The following ANKFN1 variants were observed in gnomAD, a reference collection of about 807,000 sequenced individuals.
The protein encoded by ANKFN1 is ankyrin repeat and fibronectin type III domain containing 1, also known as ankyrin repeat and fibronectin type-III domain-containing protein 1.
A neutral mutation model predicts 108.7 loss-of-function variants in ANKFN1; 74 were observed. That is an observed-to-expected ratio of 0.68 (90% CI 0.56 to 0.83). ANKFN1 has a LOEUF of 0.83. Among genes scored for constraint, ANKFN1 ranks in the 40% least tolerant of loss-of-function variants. The pLI is 0.00. For missense variants in ANKFN1, 1,505 were observed against 1,382.3 expected (o/e 1.09, Z -1.41); for synonymous variants, 547 against 516.2 (o/e 1.06, Z -0.81).
At chr17:56,093,770 GT>G (rs1358013040) in intron 4 of ANKFN1, among the ~76,000 whole-genome samples, 2 of 151,274 alleles carry the variant, frequency 1.3e-5, no homozygotes, top group Non-Finnish European at 3.0e-5. Flanking sequence ...CTATACTACT[GT>G]TTTTATGAGT....
chr17:56,058,277 G>C (rs537854183), intron 4 of ANKFN1, among the ~76,000 whole-genome samples: 10 of 152,280 alleles, frequency 6.6e-5, no homozygotes, highest in Non-Finnish European at 1.3e-4. Flanking sequence ...CCAATAGAAG[G>C]CTGTTTCATC....
chr17:56,121,580 G>A (rs1906623016), intron 4 of ANKFN1, among the ~76,000 whole-genome samples: 1 of 151,948 alleles, frequency 6.6e-6, no homozygotes, highest in Admixed American at 6.6e-5. Context: ...ATCAAAGAAG[G>A]ACAGTGACCA....
At chr17:56,434,887 T>C (rs1210421797) in intron 8 of ANKFN1, among the ~76,000 whole-genome samples, 1 of 152,112 alleles carries the variant, frequency 6.6e-6, no homozygotes, top group Non-Finnish European at 1.5e-5. Context: ...GGTGCTGGGT[T>C]GGGCAGTCTA....
intron 3 of ANKFN1, among the ~76,000 whole-genome samples, chr17:56,273,309 TATAACTG>T (rs2043838569): frequency 1.3e-5 from 2 of 152,214 alleles, no homozygotes; most frequent in South Asian, 4.1e-4. Context: ...TACCCAGTAC[TATAACTG>T]GCTCATATCA....
At chr17:56,352,494 A>G (rs2046272111) in intron 5 of ANKFN1, among the ~76,000 whole-genome samples, 1 of 152,226 alleles carries the variant, frequency 6.6e-6, no homozygotes, top group Non-Finnish European at 1.5e-5. Context: ...TGAAGATACC[A>G]GATAGATGTG....
chr17:56,325,447 T>C lies in ANKFN1; in HGVS notation c.54-774T>C, dbSNP rs564959956. On this transcript the variant is annotated intron_variant, in intron 3 of 20. Coordinates refer to ENST00000682825, the MANE Select transcript of ANKFN1 (RefSeq NM_001370326.1). Reference sequence around the variant, plus strand: ...CTAGGAAATCTATTTGTGTCTTTCATTAGTCATGTAAAGCACAATGCTGTG... The same window carrying C: ...CTAGGAAATCTATTTGTGTCTTTCACTAGTCATGTAAAGCACAATGCTGTG... Among the ~76,000 whole-genome samples, 3 of 152,308 alleles carry C rather than the reference T, an allele frequency of 2.0e-5. No individual in the cohort carries two copies. In the South Asian group the frequency reaches 6.2e-4, roughly 32 times the overall value.
intron 20 of ANKFN1, among the ~76,000 whole-genome samples, chr17:56,509,805 C>T (rs951341437): frequency 3.3e-5 from 5 of 152,194 alleles, no homozygotes; most frequent in African/African-American, 1.2e-4. Flanking sequence ...ATACTGACTC[C>T]CTAACAAATC....
chr17:56,510,642 C>T lies in ANKFN1; in HGVS notation c.2814C>T (p.Asp938=), dbSNP rs1297126836. 1 of 1,536,160 alleles carries T rather than the reference C, an allele frequency of 6.5e-7. No individual in the cohort carries two copies. Residue 938 remains aspartate, a synonymous_variant, in exon 21 of 21, where the codon GAC becomes GAT. Transcript: ENST00000682825. ...GCGGCCTAAGCGGCAGCGCCCCCGA[C>T]GTCCTGCAAGTGCACGACGTGAAAA... is the stretch of plus-strand genomic sequence containing the variant. ...TLSGLSGSAP[D]VLQVHDVKTP... is the part of the protein sequence containing the mutation.
chr17:56,226,839 TTATC>T (rs1239410924), intron 2 of ANKFN1, among the ~76,000 whole-genome samples: 14 of 152,172 alleles, frequency 9.2e-5, no homozygotes, highest in African/African-American at 1.2e-4. Flanking sequence ...TAGGAGGACT[TTATC>T]TAACTATTTT....
chr17:56,080,509 C>T (rs1435365444), intron 4 of ANKFN1, among the ~76,000 whole-genome samples: 4 of 152,166 alleles, frequency 2.6e-5, no homozygotes, highest in Non-Finnish European at 2.9e-5. Context: ...CCAAGATAAT[C>T]GTTGAGTGGC....
At chr17:56,419,298 A>G (rs981575394) in intron 8 of ANKFN1, among the ~76,000 whole-genome samples, 1 of 151,318 alleles carries the variant, frequency 6.6e-6, no homozygotes, top group African/African-American at 2.4e-5. Flanking sequence ...CCTGACCAAC[A>G]TGGCGAAACC....
At chr17:56,411,221 G>A (rs764364151) in intron 8 of ANKFN1, among the ~76,000 whole-genome samples, 106 of 152,110 alleles carry the variant, frequency 7.0e-4, no homozygotes, top group Non-Finnish European at 9.6e-4. Context: ...TTTCACCTTG[G>A]TTAGATTTAC....
At chr17:56,219,445 C>T (rs776459978) in intron 2 of ANKFN1, among the ~76,000 whole-genome samples, 6 of 152,090 alleles carry the variant, frequency 3.9e-5, no homozygotes, top group Non-Finnish European at 8.8e-5. Context: ...TGGGATTTTA[C>T]CATGTTGGCC....
intron 20 of ANKFN1, among the ~76,000 whole-genome samples, chr17:56,508,674 A>G (rs2051648696): frequency 6.6e-6 from 1 of 152,190 alleles, no homozygotes; most frequent in Non-Finnish European, 1.5e-5. Flanking sequence ...ATGATAGAGT[A>G]TTTCATCAAT....
chr17:56,125,082 C>A (rs987262243), intron 4 of ANKFN1, among the ~76,000 whole-genome samples: 1 of 152,064 alleles, frequency 6.6e-6, no homozygotes, highest in African/African-American at 2.4e-5. Flanking sequence ...CCCATAGAAC[C>A]TTTCCTAATC....
In ANKFN1 at chr17:56,053,137, A is replaced by AT. The variant is rs547828736; in HGVS notation, c.288+6813dup. 1.1e-3 allele frequency among the ~76,000 whole-genome samples: 165 copies of AT among 152,290 alleles called. 2 individuals are homozygous for AT. Among genetic ancestry groups the AT allele is most frequent in the African/African-American group, 3.6e-3 (150 of 41,560 alleles). On this transcript the variant is annotated intron_variant, in intron 4 of 12. Transcript: ENST00000635860. ...TACTTTTTGTAGGGGCTTTGAGCAT[A>AT]TATTATTTTACTTTTTTTATTTCTA...
intron 2 of ANKFN1, among the ~76,000 whole-genome samples, chr17:56,223,387 C>T (rs944576107): frequency 1.1e-4 from 16 of 151,730 alleles, no homozygotes; most frequent in African/African-American, 2.9e-4. Context: ...TTGCTTATTT[C>T]GATTACAAAT....
At chr17:56,286,959 T>A (rs1045107532) in intron 3 of ANKFN1, among the ~76,000 whole-genome samples, 1 of 152,174 alleles carries the variant, frequency 6.6e-6, no homozygotes, top group African/African-American at 2.4e-5. Flanking sequence ...TGTTACCCTC[T>A]TCTATCAAAA....
intron 4 of ANKFN1, among the ~76,000 whole-genome samples, chr17:56,072,882 A>G (rs1905136757): frequency 6.6e-6 from 1 of 152,236 alleles, no homozygotes. Flanking sequence ...ATTTATCCTG[A>G]GAAATTCCCA....
Sources: allele counts gnomAD v4.1 joint callset (sites outside exome capture counted in the v4.1 genomes callset), GRCh38; gene constraint gnomAD v4.1.1; transcripts MANE v1.5; gene names NCBI Gene and HGNC (gene_info 2026-07-23, HGNC 2026-07-21).